Variants in DIP2C observed in about 807,000 individuals in gnomAD.
DIP2C encodes disco-interacting protein 2 homolog C.
Under a neutral mutation model 192.4 loss-of-function variants are expected in DIP2C, and 33 were observed. The ratio of observed to expected loss-of-function variants is 0.17; its 90% confidence interval spans 0.13 to 0.23. The LOEUF (loss-of-function observed/expected upper bound fraction) is 0.23. DIP2C is among the 10% of genes least tolerant of loss of function. The pLI, the probability that DIP2C is intolerant of heterozygous loss-of-function variation, is 1.00. For missense variants in DIP2C, 1,537 were observed against 2,110.1 expected (o/e 0.73, Z 5.32); for synonymous variants, 979 against 864.1 (o/e 1.13, Z -2.33).
intron 1 of DIP2C, among the ~76,000 whole-genome samples, chr10:606,951 G>A (rs1214129085): frequency 6.6e-6 from 1 of 152,172 alleles, no homozygotes; most frequent in African/African-American, 2.4e-5. Flanking sequence ...CAGCCAGGAC[G>A]CACACCCCAA....
At chr10:445,155 G>A (rs928070503) in intron 3 of DIP2C, among the ~76,000 whole-genome samples, 1 of 152,198 alleles carries the variant, frequency 6.6e-6, no homozygotes, top group Non-Finnish European at 1.5e-5. Context: ...CCTGGTGAGC[G>A]CCTTTCATGG....
At chr10:475,704 AG>A in intron 2 of DIP2C, among the ~76,000 whole-genome samples, 1 of 152,370 alleles carries the variant, frequency 6.6e-6, no homozygotes, top group Admixed American at 6.5e-5. Context: ...AGACGGCAAA[AG>A]AAACGAGTAT....
In DIP2C at chr10:390,677, T is replaced by A. The variant is rs1217150158; in HGVS notation, c.1384+63A>T. On this transcript the variant is annotated intron_variant, in intron 11 of 36. Coordinates refer to ENST00000280886, the MANE Select transcript of DIP2C (RefSeq NM_014974.3). Reference sequence around the variant, plus strand: ...TTGAAACCGAGGCGGGGTGACGTATTCCCGCACCCGTCTTCTGACAAAGGA... The same window carrying A: ...TTGAAACCGAGGCGGGGTGACGTATACCCGCACCCGTCTTCTGACAAAGGA... The A allele has an allele frequency of 8.9e-6, 14 of 1,573,190 alleles. No individual in the cohort carries two copies. In the East Asian group the frequency reaches 3.1e-4, roughly 35 times the overall value.
intron 1 of DIP2C, among the ~76,000 whole-genome samples, chr10:613,487 C>G (rs1461901348): frequency 6.6e-6 from 1 of 152,246 alleles, no homozygotes; most frequent in Non-Finnish European, 1.5e-5. Flanking sequence ...GCACCTAAAA[C>G]TGGTTCCACT....
intron 1 of DIP2C, among the ~76,000 whole-genome samples, chr10:551,547 C>T (rs1282047107): frequency 6.6e-6 from 1 of 152,230 alleles, no homozygotes; most frequent in African/African-American, 2.4e-5. Context: ...CACAAACCCA[C>T]AAGTGCCTTC....
intron 1 of DIP2C, among the ~76,000 whole-genome samples, chr10:644,128 G>C (rs1855336826): frequency 6.6e-6 from 1 of 152,234 alleles, no homozygotes; most frequent in Non-Finnish European, 1.5e-5. Context: ...AAAAAGAGAA[G>C]AGACTGGGAG....
chr10:541,027 TGGGGAGCCACAACACCCGATGC>T (rs1847954873), intron 1 of DIP2C, among the ~76,000 whole-genome samples: 4 of 136,252 alleles, frequency 2.9e-5, no homozygotes, highest in African/African-American at 1.2e-4. Flanking sequence ...CACCCGATGC[TGGGGAGCCACAACACCCGATGC>T]TGGGGAGCCA....
intron 1 of DIP2C, among the ~76,000 whole-genome samples, chr10:521,792 G>C (rs183926247): frequency 6.6e-6 from 1 of 152,118 alleles, no homozygotes; most frequent in Non-Finnish European, 1.5e-5. Flanking sequence ...TTTAAAAAGC[G>C]GTTTTCGGTT....
intron 1 of DIP2C, among the ~76,000 whole-genome samples, chr10:613,814 G>A (rs1478159236): frequency 1.3e-5 from 2 of 151,324 alleles, no homozygotes; most frequent in Non-Finnish European, 2.9e-5. Flanking sequence ...CCTGTGCCCC[G>A]GGAAACATGG....
chr10:338,374 T>G (rs1245180313), intron 29 of DIP2C, among the ~76,000 whole-genome samples: 3 of 151,900 alleles, frequency 2.0e-5, no homozygotes, highest in African/African-American at 7.2e-5. Context: ...CCAACTCACC[T>G]GGGCAACCTC....
At chr10:522,070 C>CTA (rs1461485575) in intron 1 of DIP2C, among the ~76,000 whole-genome samples, 4 of 152,062 alleles carry the variant, frequency 2.6e-5, no homozygotes, top group African/African-American at 9.7e-5. Context: ...TAAACAGCCC[C>CTA]TATGCTCCTC....
At chr10:415,491 T>C (rs1029588552) in intron 7 of DIP2C, among the ~76,000 whole-genome samples, 3 of 152,114 alleles carry the variant, frequency 2.0e-5, no homozygotes, top group African/African-American at 4.8e-5. Flanking sequence ...ATACTTTACT[T>C]GTATTTCTAT....
chr10:489,862 G>T (rs950985923), intron 1 of DIP2C, among the ~76,000 whole-genome samples: 2 of 86,858 alleles, frequency 2.3e-5, no homozygotes, highest in Non-Finnish European at 4.8e-5. Context: ...CTCTGACAGT[G>T]CCCGGGGCTT....
At chr10:677,999 G>A (rs528951453) in intron 1 of DIP2C, among the ~76,000 whole-genome samples, 9 of 152,260 alleles carry the variant, frequency 5.9e-5, no homozygotes, top group Non-Finnish European at 1.3e-4. Context: ...AGCCCCCGCT[G>A]CAGAGCATAG....
At chr10:625,498 C>A (rs1386164035) in intron 1 of DIP2C, among the ~76,000 whole-genome samples, 1 of 152,188 alleles carries the variant, frequency 6.6e-6, no homozygotes, top group Non-Finnish European at 1.5e-5. Context: ...TTTCTGCAGG[C>A]TCCCCTACGG....
intron 29 of DIP2C, among the ~76,000 whole-genome samples, chr10:334,877 A>G (rs1957682306): frequency 6.6e-6 from 1 of 152,172 alleles, no homozygotes; most frequent in South Asian, 2.1e-4. Flanking sequence ...TGAATTCTCC[A>G]ATTTTGTTAA....
At chr10:621,961 C>A (rs1317134330) in intron 1 of DIP2C, among the ~76,000 whole-genome samples, 2 of 151,856 alleles carry the variant, frequency 1.3e-5, no homozygotes, top group Admixed American at 6.6e-5. Context: ...AACACCATAG[C>A]CTGTTTTTTC....
intron 3 of DIP2C, among the ~76,000 whole-genome samples, chr10:462,921 G>T (rs940985190): frequency 2.0e-5 from 3 of 152,114 alleles, no homozygotes; most frequent in African/African-American, 7.2e-5. Context: ...AAAACCACAT[G>T]ATTATCCCAA....
chr10:394,132 T>G (rs1168991327), intron 10 of DIP2C, among the ~76,000 whole-genome samples: 1 of 152,242 alleles, frequency 6.6e-6, no homozygotes, highest in African/African-American at 2.4e-5. Flanking sequence ...TGGAGTGTTA[T>G]CCACAAGGGT....
Sources: gnomAD v4.1 joint callset for allele counts (sites outside exome capture counted in the v4.1 genomes callset) on GRCh38, gnomAD v4.1.1 for gene constraint, MANE v1.5 for transcripts, NCBI Gene and HGNC (gene_info 2026-07-23, HGNC 2026-07-21) for gene names.